The following ZPBP variants were observed in gnomAD, a reference collection of about 807,000 sequenced individuals.
ZPBP encodes the protein zona pellucida binding protein.
In ZPBP, 26 loss-of-function variants were observed where a neutral mutation model predicts 44.8. That is an observed-to-expected ratio of 0.58 (90% confidence interval 0.43 to 0.81). The LOEUF (loss-of-function observed/expected upper bound fraction) is 0.81, where lower values mean the gene tolerates loss of function less well. Among genes scored for constraint, ZPBP ranks in the 30% least tolerant of loss-of-function variants. The pLI is 0.00. For synonymous variants in ZPBP, 174 were observed against 153.2 expected (o/e 1.14, Z -1.00); for missense variants, 409 against 434.0 (o/e 0.94, Z 0.51).
At chr7:49,881,364 A>C (rs900132551) in intron 2 of ZPBP, among the ~76,000 whole-genome samples, 4 of 152,228 alleles carry the variant, frequency 2.6e-5, no homozygotes, top group Non-Finnish European at 5.9e-5. Flanking sequence ...ATTCAAAAAA[A>C]CAGCACTGAA....
intron 7 of ZPBP, among the ~76,000 whole-genome samples, chr7:49,979,817 A>G (rs1324283186): frequency 8.1e-6 from 1 of 124,220 alleles, no homozygotes; most frequent in East Asian, 2.2e-4. Flanking sequence ...TGTGTTCTGG[A>G]GTTATACATA....
chr7:50,085,095 C>A (rs1263452400), intron 2 of ZPBP, among the ~76,000 whole-genome samples: 2 of 151,988 alleles, frequency 1.3e-5, no homozygotes, highest in African/African-American at 2.4e-5. Context: ...AAAATGAAGT[C>A]ATCAGGCTGA....
chr7:49,849,052 G>T (rs1362785983), downstream of ZPBP, among the ~76,000 whole-genome samples: 2 of 152,144 alleles, frequency 1.3e-5, no homozygotes, highest in African/African-American at 4.8e-5. Context: ...CTTCATGTAT[G>T]ACAAATGTGT....
rs563398035 is a variant in ZPBP, at chr7:49,894,397, T to A, written n.509+6721A>T. The stretch of plus-strand genomic sequence containing the variant: ...GTCCACCTGCCTCGGCCTCCCAAAG[T>A]GTTATGATTACAGGCATGAGCCACT... On this transcript the variant is annotated intron_variant and non_coding_transcript_variant, in intron 2 of 2. Transcript: ENST00000465922. 2.0e-5 allele frequency among the ~76,000 whole-genome samples: 3 copies of A among 152,316 alleles called. No homozygotes were observed. The South Asian group carries it at 6.2e-4, about 32-fold the overall frequency.
intron 1 of ZPBP, among the ~76,000 whole-genome samples, chr7:49,929,277 T>A (rs750022011): frequency 4.6e-5 from 7 of 152,198 alleles, no homozygotes; most frequent in Admixed American, 1.3e-4. Context: ...ATGAACTGGA[T>A]GCAGAAAGAA....
chr7:49,878,433 G>A (rs1447652466), intron 2 of ZPBP, among the ~76,000 whole-genome samples: 1 of 152,018 alleles, frequency 6.6e-6, no homozygotes, highest in Admixed American at 6.6e-5. Flanking sequence ...TTGTTTATTT[G>A]AAACTGTCTG....
intron 2 of ZPBP, among the ~76,000 whole-genome samples, chr7:49,853,080 A>C (rs1790259559): frequency 6.6e-6 from 1 of 152,260 alleles, no homozygotes; most frequent in South Asian, 2.1e-4. Flanking sequence ...CAGCATGCCC[A>C]GCTCTTGCTG....
At chr7:50,059,038 T>C (rs1801114545) in intron 3 of ZPBP, among the ~76,000 whole-genome samples, 1 of 152,196 alleles carries the variant, frequency 6.6e-6, no homozygotes. Flanking sequence ...CTAAAGTACT[T>C]GGAAAAGCTA....
At chr7:49,980,939 C>T (rs1465708399) in intron 7 of ZPBP, among the ~76,000 whole-genome samples, 2 of 151,596 alleles carry the variant, frequency 1.3e-5, no homozygotes, top group African/African-American at 4.8e-5. Flanking sequence ...AAATAGACTA[C>T]TGACTATTCC....
intron 3 of ZPBP, among the ~76,000 whole-genome samples, chr7:50,068,640 CT>C (rs1393274883): frequency 5.3e-5 from 8 of 152,084 alleles, no homozygotes; most frequent in Non-Finnish European, 1.0e-4. Context: ...GTAAATTAGC[CT>C]TTTTAAAGCC....
At chr7:49,990,432 G>A (rs534685324) in intron 6 of ZPBP, among the ~76,000 whole-genome samples, 18 of 152,208 alleles carry the variant, frequency 1.2e-4, no homozygotes, top group South Asian at 2.1e-4. Context: ...TCACTTTCTC[G>A]TCCTCATATA....
chr7:49,886,763 T>C (rs1375518077), intron 2 of ZPBP, among the ~76,000 whole-genome samples: 3 of 152,212 alleles, frequency 2.0e-5, no homozygotes, highest in African/African-American at 7.2e-5. Flanking sequence ...ATTCAGCCTT[T>C]CTGAATTTTT....
chr7:49,901,887 A>T lies in ZPBP; in HGVS notation n.412-672T>A, dbSNP rs148281110. 4.7e-3 allele frequency among the ~76,000 whole-genome samples: 718 copies of T among 152,092 alleles called. 9 individuals carry two copies. The highest frequency in any genetic ancestry group is 0.016 in the African/African-American group (684 of 41,560). The stretch of plus-strand genomic sequence containing the variant: ...ATAAATATGAACACTGTTTGCTAAC[A>T]CTGTTAGCTAACACTGTTTGCTAAC... On this transcript the variant is annotated intron_variant and non_coding_transcript_variant, in intron 1 of 2. Transcript: ENST00000465922.
At chr7:49,859,090 C>T (rs958565520) in intron 2 of ZPBP, among the ~76,000 whole-genome samples, 2 of 152,184 alleles carry the variant, frequency 1.3e-5, no homozygotes, top group African/African-American at 4.8e-5. Flanking sequence ...TGGGCACATA[C>T]TTATTTAGGA....
At chr7:49,943,958 A>T in intron 7 of ZPBP, 1 of 315,700 alleles carries the variant, frequency 3.2e-6, no homozygotes, top group South Asian at 3.4e-5. Flanking sequence ...TCTAGAAAAG[A>T]CTGCATATCA....
At chr7:49,878,836 G>A (rs1791556579) in intron 2 of ZPBP, among the ~76,000 whole-genome samples, 1 of 152,168 alleles carries the variant, frequency 6.6e-6, no homozygotes, top group Admixed American at 6.6e-5. Context: ...CACAGCTACA[G>A]TTGTTTATGT....
In ZPBP at chr7:49,875,387, A is replaced by AAAAAAAAAAC. The variant is rs1562746119; in HGVS notation, n.510-24874_510-24873insGTTTTTTTTT. 1.7e-4 allele frequency among the ~76,000 whole-genome samples: 26 copies of AAAAAAAAAAC among 149,836 alleles called. 1 individual carries two copies. Among genetic ancestry groups the AAAAAAAAAAC allele is most frequent in the Admixed American group, 4.7e-4 (7 of 14,970 alleles). On this transcript the variant is annotated intron_variant and non_coding_transcript_variant, in intron 2 of 2. Transcript: ENST00000465922. ...TCTGACTCAAAAAAAAAAAAAAAAA[A>AAAAAAAAAAC]AAAAAAAAAACAGGAATAAATGTCA...
intron 7 of ZPBP, among the ~76,000 whole-genome samples, chr7:49,974,396 A>T (rs1796416065): frequency 6.6e-6 from 1 of 152,178 alleles, no homozygotes; most frequent in African/African-American, 2.4e-5. Flanking sequence ...GGAACATGTT[A>T]TGATGCCATA....
At chr7:50,010,780 G>C (rs1265807538) in intron 6 of ZPBP, among the ~76,000 whole-genome samples, 3 of 151,590 alleles carry the variant, frequency 2.0e-5, no homozygotes, top group Non-Finnish European at 4.4e-5. Context: ...TCTTACCAAG[G>C]ACAACCTATA....
Sources: allele counts gnomAD v4.1 joint callset (sites outside exome capture counted in the v4.1 genomes callset), GRCh38; gene constraint gnomAD v4.1.1; transcripts MANE v1.5; gene names NCBI Gene and HGNC (gene_info 2026-07-23, HGNC 2026-07-21).